The following NKAIN2 variants were observed in gnomAD, a reference collection of about 807,000 sequenced individuals.
The protein encoded by NKAIN2 is sodium/potassium transporting ATPase interacting 2, also known as sodium/potassium-transporting ATPase subunit beta-1-interacting protein 2.
A neutral mutation model predicts 32.6 loss-of-function variants in NKAIN2; 14 were observed. The observed-to-expected ratio is 0.43, with a 90% CI of 0.28 to 0.67. NKAIN2 has a LOEUF of 0.67. Ranked by LOEUF, NKAIN2 falls within the 30% of genes least tolerant of loss-of-function variation. The pLI, the probability that NKAIN2 is intolerant of heterozygous loss-of-function variation, is 0.17. For synonymous variants in NKAIN2, 80 were observed against 87.2 expected (o/e 0.92, Z 0.46); for missense variants, 198 against 258.3 (o/e 0.77, Z 1.60).
At chr6:123,806,041 G>T (rs985247228) in intron 1 of NKAIN2, among the ~76,000 whole-genome samples, 3 of 152,100 alleles carry the variant, frequency 2.0e-5, no homozygotes, top group Admixed American at 1.3e-4. Context: ...TCTATTCAAA[G>T]TAGAATGATA....
At chr6:123,837,233 ATG>A (rs1378663024) in intron 1 of NKAIN2, among the ~76,000 whole-genome samples, 1 of 151,936 alleles carries the variant, frequency 6.6e-6, no homozygotes, top group Non-Finnish European at 1.5e-5. Context: ...TCATTTAGAA[ATG>A]TGTTATTACA....
At chr6:124,325,158 T>C (rs1472675870) in intron 2 of NKAIN2, among the ~76,000 whole-genome samples, 1 of 152,122 alleles carries the variant, frequency 6.6e-6, no homozygotes, top group Non-Finnish European at 1.5e-5. Context: ...ATTTAAAAGC[T>C]TCCATAAGGA....
At chr6:124,712,858 A>T (rs1184380100) in intron 4 of NKAIN2, among the ~76,000 whole-genome samples, 1 of 152,022 alleles carries the variant, frequency 6.6e-6, no homozygotes, top group African/African-American at 2.4e-5. Flanking sequence ...TATTTTAAGA[A>T]GCTCTATTTC....
intron 3 of NKAIN2, among the ~76,000 whole-genome samples, chr6:124,425,696 T>C (rs181584867): frequency 6.6e-6 from 1 of 152,174 alleles, no homozygotes; most frequent in East Asian, 1.9e-4. Flanking sequence ...AATAGGTATG[T>C]GAAAAAGTGT....
intron 1 of NKAIN2, among the ~76,000 whole-genome samples, chr6:124,106,943 G>A (rs1785149330): frequency 6.6e-6 from 1 of 152,156 alleles, no homozygotes; most frequent in Non-Finnish European, 1.5e-5. Flanking sequence ...CCATATTAGA[G>A]ATAGGCACTG....
chr6:124,408,703 C>G (rs1050879626), intron 3 of NKAIN2, among the ~76,000 whole-genome samples: 48 of 147,816 alleles, frequency 3.2e-4, no homozygotes, highest in African/African-American at 1.2e-3. Flanking sequence ...TCCATATGAA[C>G]TTTAAAGTAG....
intron 1 of NKAIN2, among the ~76,000 whole-genome samples, chr6:124,163,548 C>T (rs1227600796): frequency 6.6e-6 from 1 of 151,918 alleles, no homozygotes; most frequent in Non-Finnish European, 1.5e-5. Flanking sequence ...TAGAATTTTT[C>T]AGATTTAGAA....
intron 3 of NKAIN2, among the ~76,000 whole-genome samples, chr6:124,463,776 G>T (rs1453442381): frequency 6.6e-6 from 1 of 152,020 alleles, no homozygotes; most frequent in Non-Finnish European, 1.5e-5. Context: ...TTTAAAGATT[G>T]CTTTGTGTTT....
intron 1 of NKAIN2, among the ~76,000 whole-genome samples, chr6:124,102,892 T>C (rs914383473): frequency 6.6e-6 from 1 of 152,262 alleles, no homozygotes; most frequent in Non-Finnish European, 1.5e-5. Context: ...GGCCTAACAG[T>C]GTTTGGCTAG....
At chr6:124,530,912 T>C (rs1779502326) in intron 3 of NKAIN2, among the ~76,000 whole-genome samples, 2 of 152,198 alleles carry the variant, frequency 1.3e-5, no homozygotes, top group African/African-American at 4.8e-5. Flanking sequence ...CATCTTTTTG[T>C]TCTATCTGGG....
intron 1 of NKAIN2, among the ~76,000 whole-genome samples, chr6:124,200,461 G>A (rs1317782951): frequency 3.3e-5 from 5 of 152,056 alleles, no homozygotes; most frequent in Admixed American, 6.6e-5. Context: ...TTGAAGTGCT[G>A]TGAGTTCATC....
intron 4 of NKAIN2, among the ~76,000 whole-genome samples, chr6:124,731,829 G>A (rs1027315721): frequency 6.6e-6 from 1 of 152,012 alleles, no homozygotes; most frequent in African/African-American, 2.4e-5. Context: ...GAACTATTCT[G>A]TCTCTACATA....
At chr6:124,307,540 T>C (rs1796555596) in intron 2 of NKAIN2, among the ~76,000 whole-genome samples, 1 of 152,134 alleles carries the variant, frequency 6.6e-6, no homozygotes. Context: ...TAATCCATCC[T>C]GAAAAAATAG....
chr6:124,636,101 C>T (rs1316525673), intron 3 of NKAIN2, among the ~76,000 whole-genome samples: 1 of 151,644 alleles, frequency 6.6e-6, no homozygotes. Context: ...TCTTCTCAGA[C>T]CACAATAGAA....
At chr6:123,944,886 T>C (rs1232095131) in intron 1 of NKAIN2, among the ~76,000 whole-genome samples, 1 of 152,018 alleles carries the variant, frequency 6.6e-6, no homozygotes, top group Non-Finnish European at 1.5e-5. Context: ...TGTGGGGGAT[T>C]GATATCTTAT....
intron 1 of NKAIN2, among the ~76,000 whole-genome samples, chr6:124,038,145 A>T (rs1781689510): frequency 6.6e-6 from 1 of 152,264 alleles, no homozygotes; most frequent in Non-Finnish European, 1.5e-5. Context: ...TAATATTCAA[A>T]TCAACTAACA....
chr6:124,374,295 TAAAG>T (rs1458102765), intron 3 of NKAIN2, among the ~76,000 whole-genome samples: 1 of 151,762 alleles, frequency 6.6e-6, no homozygotes, highest in Non-Finnish European at 1.5e-5. Context: ...TGAAAAGGTA[TAAAG>T]AGAGTTTTGA....
chr6:124,754,494 C>A (rs1777871198), intron 4 of NKAIN2, among the ~76,000 whole-genome samples: 1 of 151,726 alleles, frequency 6.6e-6, no homozygotes. Context: ...TTGTTGGCCA[C>A]ATGAAAAGAC....
At chr6:124,127,259 C>T (rs181457755) in intron 1 of NKAIN2, among the ~76,000 whole-genome samples, 14 of 152,176 alleles carry the variant, frequency 9.2e-5, no homozygotes, top group Middle Eastern at 3.4e-3. Context: ...GAACACAACA[C>T]GAGCATGTGT....
Sources: allele counts gnomAD v4.1 joint callset (sites outside exome capture counted in the v4.1 genomes callset), GRCh38; gene constraint gnomAD v4.1.1; transcripts MANE v1.5; gene names NCBI Gene and HGNC (gene_info 2026-07-23, HGNC 2026-07-21).